Variants in CSMD1 observed in about 807,000 individuals in gnomAD.
CSMD1 encodes CUB and Sushi multiple domains 1, also known as CUB and sushi domain-containing protein 1.
A neutral mutation model predicts 417.5 loss-of-function variants in CSMD1; 213 were observed. The ratio of observed to expected loss-of-function variants is 0.51; its 90% CI spans 0.46 to 0.57. The LOEUF is 0.57. Among genes scored for constraint, CSMD1 ranks in the 20% least tolerant of loss-of-function variants. The pLI is 0.00. For synonymous variants in CSMD1, 2,862 were observed against 1,736.8 expected (o/e 1.65, Z -16.11); for missense variants, 6,923 against 4,529.7 (o/e 1.53, Z -15.17).
chr8:4,109,437 T>C (rs905674422), intron 3 of CSMD1, among the ~76,000 whole-genome samples: 3 of 152,200 alleles, frequency 2.0e-5, no homozygotes, highest in African/African-American at 7.2e-5. Context: ...TTCATCTATT[T>C]GGGAATTGAG....
At chr8:3,356,835 G>A (rs1808827677) in intron 21 of CSMD1, among the ~76,000 whole-genome samples, 1 of 152,204 alleles carries the variant, frequency 6.6e-6, no homozygotes, top group African/African-American at 2.4e-5. Flanking sequence ...GGAGAGCCAG[G>A]GAATGAGGGA....
chr8:3,797,485 T>G (rs1800223269), intron 5 of CSMD1, among the ~76,000 whole-genome samples: 1 of 151,962 alleles, frequency 6.6e-6, no homozygotes, highest in Admixed American at 6.6e-5. Context: ...ATAAATTCAT[T>G]ACATCTGATC....
intron 7 of CSMD1, among the ~76,000 whole-genome samples, chr8:3,683,842 A>G (rs930901796): frequency 1.3e-5 from 2 of 152,078 alleles, no homozygotes; most frequent in African/African-American, 4.8e-5. Context: ...CTAAGATGTA[A>G]AGAATATTCA....
chr8:3,931,398 T>A (rs1252813133), intron 5 of CSMD1, among the ~76,000 whole-genome samples: 1 of 150,658 alleles, frequency 6.6e-6, no homozygotes, highest in Admixed American at 6.6e-5. Flanking sequence ...ATTCATTCTT[T>A]TACCCATTCT....
intron 1 of CSMD1, among the ~76,000 whole-genome samples, chr8:4,884,018 T>C (rs1296572048): frequency 2.0e-5 from 3 of 152,046 alleles, no homozygotes; most frequent in African/African-American, 7.3e-5. Flanking sequence ...TTTTTGATAA[T>C]AGCCTTCGTA....
At chr8:4,544,079 T>G (rs182888099) in intron 2 of CSMD1, among the ~76,000 whole-genome samples, 1 of 152,218 alleles carries the variant, frequency 6.6e-6, no homozygotes, top group Non-Finnish European at 1.5e-5. Flanking sequence ...GTGGCTTGCC[T>G]TTTATTCTTT....
chr8:4,073,844 T>C (rs1291757526), intron 3 of CSMD1, among the ~76,000 whole-genome samples: 1 of 152,100 alleles, frequency 6.6e-6, no homozygotes, highest in Non-Finnish European at 1.5e-5. Flanking sequence ...AATAGTTGGG[T>C]TTAAAACAGT....
intron 3 of CSMD1, among the ~76,000 whole-genome samples, chr8:4,232,868 C>T (rs1801826584): frequency 6.6e-6 from 1 of 152,004 alleles, no homozygotes; most frequent in South Asian, 2.1e-4. Flanking sequence ...TTAGGGGCAA[C>T]AATCTTGAAT....
chr8:4,673,882 G>A (rs1186801526), intron 1 of CSMD1, among the ~76,000 whole-genome samples: 1 of 152,062 alleles, frequency 6.6e-6, no homozygotes. Context: ...GCTGGGGAAT[G>A]GTAATGATTG....
intron 7 of CSMD1, among the ~76,000 whole-genome samples, chr8:3,697,681 G>C (rs1462223277): frequency 1.3e-5 from 2 of 152,140 alleles, no homozygotes; most frequent in African/African-American, 2.4e-5. Context: ...CAGAGGTTCA[G>C]AGATTGCCTC....
intron 5 of CSMD1, among the ~76,000 whole-genome samples, chr8:3,859,751 C>T (rs1004322090): frequency 2.0e-5 from 3 of 152,174 alleles, no homozygotes; most frequent in Non-Finnish European, 4.4e-5. Context: ...TCTTCCCTGG[C>T]TGACAATCCT....
chr8:3,617,825 C>G (rs908670013), intron 7 of CSMD1, among the ~76,000 whole-genome samples: 2 of 152,012 alleles, frequency 1.3e-5, no homozygotes, highest in Non-Finnish European at 2.9e-5. Flanking sequence ...TAGCGTAAAT[C>G]CAATGAATAG....
chr8:2,987,564 T>TCTC (rs773433804), intron 54 of CSMD1, among the ~76,000 whole-genome samples: 1 of 152,130 alleles, frequency 6.6e-6, no homozygotes, highest in Non-Finnish European at 1.5e-5. Flanking sequence ...ATACAGTACT[T>TCTC]CTCTTCGGAT....
At chr8:4,783,858 A>G (rs1324796350) in intron 1 of CSMD1, among the ~76,000 whole-genome samples, 2 of 152,200 alleles carry the variant, frequency 1.3e-5, no homozygotes, top group African/African-American at 4.8e-5. Context: ...TCACTCCTCT[A>G]AAGCAAATAC....
chr8:3,490,807 C>G (rs1457875530), intron 11 of CSMD1, among the ~76,000 whole-genome samples: 2 of 152,124 alleles, frequency 1.3e-5, no homozygotes, highest in African/African-American at 2.4e-5. Context: ...GCCTTAGAAG[C>G]TTGCCCAAAA....
chr8:3,936,916 A>G (rs570443846), intron 5 of CSMD1, among the ~76,000 whole-genome samples: 1 of 152,298 alleles, frequency 6.6e-6, no homozygotes, highest in African/African-American at 2.4e-5. Context: ...TGATATTAAG[A>G]ATGTTTGTGA....
At chr8:4,965,514 C>T (rs768409890) in intron 1 of CSMD1, among the ~76,000 whole-genome samples, 4 of 152,192 alleles carry the variant, frequency 2.6e-5, no homozygotes, top group Non-Finnish European at 4.4e-5. Flanking sequence ...CTTCACTTCG[C>T]AATGGGGCAT....
intron 2 of CSMD1, among the ~76,000 whole-genome samples, chr8:4,577,836 C>T (rs1177491118): frequency 6.6e-6 from 1 of 152,160 alleles, no homozygotes; most frequent in Non-Finnish European, 1.5e-5. Flanking sequence ...CTTGCATTTT[C>T]CCTGGCACAT....
chr8:3,874,592 G>T (rs915747969), intron 5 of CSMD1, among the ~76,000 whole-genome samples: 1 of 152,126 alleles, frequency 6.6e-6, no homozygotes, highest in African/African-American at 2.4e-5. Flanking sequence ...CTTCTTAAAA[G>T]CATCATTCAG....
Sources: gnomAD v4.1 joint callset for allele counts (sites outside exome capture counted in the v4.1 genomes callset) on GRCh38, gnomAD v4.1.1 for gene constraint, MANE v1.5 for transcripts, NCBI Gene and HGNC (gene_info 2026-07-23, HGNC 2026-07-21) for gene names.